The following PID1 variants were observed in gnomAD, a reference collection of about 807,000 sequenced individuals.
PID1 encodes the protein phosphotyrosine interaction domain containing 1.
PID1 carries 10 observed loss-of-function variants against 19.1 expected under a neutral mutation model. That is an observed-to-expected ratio of 0.52 (90% CI 0.32 to 0.89). The LOEUF (loss-of-function observed/expected upper bound fraction) is 0.89. Ranked by LOEUF, PID1 falls within the 40% of genes least tolerant of loss-of-function variation. PID1 has a pLI of 0.03. For synonymous variants in PID1, 130 were observed against 116.0 expected (o/e 1.12, Z -0.78); for missense variants, 248 against 285.3 (o/e 0.87, Z 0.94).
chr2:229,025,290 T>C lies in PID1; in HGVS notation c.*342A>G. The C allele has an allele frequency of 3.9e-6, 1 of 258,586 alleles. No homozygotes were observed. The highest frequency in any genetic ancestry group is 7.6e-6 in the Non-Finnish European group (1 of 131,920). 16.0% of individuals were successfully genotyped at this position (258,586 alleles called of 1,614,324 possible). A position where few individuals can be genotyped will look rare whatever the true frequency, so the allele number is the denominator to read the frequency against. On this transcript the variant is annotated 3_prime_UTR_variant, in exon 3 of 3. Coordinates refer to ENST00000392055, the MANE Select transcript of PID1 (RefSeq NM_001100818.2). ...TCATAAGGCAGATCGGAATGGCCCA[T>C]CCAATAACAGCTGCAGAGTATTTGC...
chr2:229,061,147 G>T (rs1694205065), intron 2 of PID1, among the ~76,000 whole-genome samples: 1 of 152,028 alleles, frequency 6.6e-6, no homozygotes. Context: ...TATTACCTGT[G>T]CTTTTAGGGT....
At chr2:229,202,863 C>T (rs1007733496) in intron 1 of PID1, among the ~76,000 whole-genome samples, 1 of 152,002 alleles carries the variant, frequency 6.6e-6, no homozygotes, top group Non-Finnish European at 1.5e-5. Context: ...ATATGGTTAC[C>T]ATTAATGTCC....
chr2:229,068,278 C>T (rs1432605250), intron 2 of PID1, among the ~76,000 whole-genome samples: 2 of 152,102 alleles, frequency 1.3e-5, no homozygotes, highest in Admixed American at 6.5e-5. Flanking sequence ...GGAAAGTCTC[C>T]ACAGTGCCAG....
At chr2:229,109,645 A>G (rs555981530) in intron 2 of PID1, among the ~76,000 whole-genome samples, 13 of 152,338 alleles carry the variant, frequency 8.5e-5, no homozygotes, top group Middle Eastern at 3.4e-3. Context: ...ATAAACAGGA[A>G]ACTGAGATAT....
In PID1 at chr2:229,074,264, A is replaced by C. The variant is rs879075789; in HGVS notation, c.178-48156T>G. The stretch of plus-strand genomic sequence containing the variant: ...ACCCACTCCTCTAGGTTTTCTGGGA[A>C]AGAGACCTGTCCCCAAAAATCCAGA... On this transcript the variant is annotated intron_variant, in intron 2 of 2. Transcript: ENST00000392055. Among the ~76,000 whole-genome samples, 6 of 152,258 alleles carry C rather than the reference A, an allele frequency of 3.9e-5. No individual in the cohort carries two copies. In the South Asian group the frequency reaches 1.2e-3, roughly 32 times the overall value.
chr2:229,204,725 G>A (rs1203682606), intron 1 of PID1, among the ~76,000 whole-genome samples: 1 of 152,038 alleles, frequency 6.6e-6, no homozygotes, highest in Non-Finnish European at 1.5e-5. Flanking sequence ...CTCAACCTGT[G>A]GCTTTGTAAC....
chr2:229,134,600 TA>T (rs1173657621), intron 2 of PID1, among the ~76,000 whole-genome samples: 1 of 151,860 alleles, frequency 6.6e-6, no homozygotes, highest in East Asian at 1.9e-4. Context: ...ATGTTGAAGC[TA>T]AAAAAAGTAC....
intron 1 of PID1, among the ~76,000 whole-genome samples, chr2:229,181,826 G>T (rs1690952684): frequency 6.6e-6 from 1 of 152,160 alleles, no homozygotes; most frequent in Admixed American, 6.5e-5. Flanking sequence ...TTACTTTTTT[G>T]TAATGAAAAT....
At chr2:229,187,068 C>A (rs1200436353) in intron 1 of PID1, among the ~76,000 whole-genome samples, 7 of 152,188 alleles carry the variant, frequency 4.6e-5, no homozygotes, top group Non-Finnish European at 7.3e-5. Context: ...CAGTTCCCAA[C>A]AAGTTCCTCA....
rs1440793184 is a variant in PID1, at chr2:229,025,383, G to GAC, written c.*248_*249insGT. ...GCATTGGGAAATGAGAAAAATAAGA[G>GAC]AGCCTAGAACCTTCCTCCCCATCCA... On this transcript the variant is annotated 3_prime_UTR_variant, in exon 3 of 3. Coordinates refer to ENST00000392055, the MANE Select transcript of PID1 (RefSeq NM_001100818.2). The GAC allele has an allele frequency of 1.7e-5, 7 of 401,232 alleles. No homozygotes were observed. Among genetic ancestry groups the GAC allele is most frequent in the East Asian group, 4.4e-5 (1 of 22,942 alleles). 24.9% of individuals were successfully genotyped at this position (401,232 alleles called of 1,614,324 possible).
At chr2:229,030,399 G>T (rs1195265383) in intron 2 of PID1, among the ~76,000 whole-genome samples, 10 of 152,096 alleles carry the variant, frequency 6.6e-5, no homozygotes, top group Admixed American at 6.5e-4. Flanking sequence ...CTTAAAAATG[G>T]TTAAGATGGT....
chr2:229,044,830 T>C (rs1693840953), intron 2 of PID1, among the ~76,000 whole-genome samples: 1 of 152,190 alleles, frequency 6.6e-6, no homozygotes, highest in Non-Finnish European at 1.5e-5. Flanking sequence ...AGTAATAGCA[T>C]GCCACACACT....
chr2:229,251,237 A>G (rs1690141389), intron 1 of PID1, among the ~76,000 whole-genome samples: 1 of 151,650 alleles, frequency 6.6e-6, no homozygotes, highest in African/African-American at 2.4e-5. Flanking sequence ...AAAGCACACA[A>G]GATTTGAAAA....
intron 1 of PID1, among the ~76,000 whole-genome samples, chr2:229,156,951 G>C (rs1368443203): frequency 2.0e-5 from 3 of 152,276 alleles, no homozygotes; most frequent in African/African-American, 7.2e-5. Flanking sequence ...CGCTGCTCCT[G>C]TCGTAGGTAT....
At chr2:229,186,460 T>C (rs6716176) in intron 1 of PID1, among the ~76,000 whole-genome samples, 135,632 of 152,246 alleles carry the variant, frequency 0.89, 60,565 homozygotes, top group African/African-American at 0.94. Context: ...CCTGCTCCTA[T>C]AGCAAACTTT....
At chr2:229,181,853 T>C (rs966391113) in intron 1 of PID1, among the ~76,000 whole-genome samples, 2 of 152,208 alleles carry the variant, frequency 1.3e-5, no homozygotes, top group Non-Finnish European at 2.9e-5. Context: ...CCCTCTGAAT[T>C]GCCTCCAGCA....
chr2:229,222,232 C>T lies in PID1; in HGVS notation c.30+48782G>A, dbSNP rs184532561. Among the ~76,000 whole-genome samples the T allele has an allele frequency of 1.0e-3, 154 of 152,288 alleles. 3 individuals carry two copies. Among genetic ancestry groups the T allele is most frequent in the Admixed American group, 9.9e-3 (151 of 15,296 alleles). Reference sequence around the variant, plus strand: ...CTTCATGCACCCAGAACTCCACTTACCCTGAATCACATGCCAGTGCCACAA... The same window carrying T: ...CTTCATGCACCCAGAACTCCACTTATCCTGAATCACATGCCAGTGCCACAA... On this transcript the variant is annotated intron_variant, in intron 1 of 2. Transcript: ENST00000392055.
chr2:229,251,204 T>G (rs555662099), intron 1 of PID1, among the ~76,000 whole-genome samples: 8 of 152,304 alleles, frequency 5.3e-5, no homozygotes, highest in African/African-American at 1.7e-4. Context: ...CAATAATGAT[T>G]TCAAATAAGT....
chr2:229,209,260 T>C (rs1009292369), intron 1 of PID1, among the ~76,000 whole-genome samples: 1 of 152,274 alleles, frequency 6.6e-6, no homozygotes, highest in Admixed American at 6.5e-5. Flanking sequence ...CTCACCTACA[T>C]AGTTTCTGTG....
Sources: gnomAD v4.1 joint callset for allele counts (sites outside exome capture counted in the v4.1 genomes callset) on GRCh38, gnomAD v4.1.1 for gene constraint, MANE v1.5 for transcripts, NCBI Gene and HGNC (gene_info 2026-07-23, HGNC 2026-07-21) for gene names.